Variants in INPP4B observed in about 807,000 individuals in gnomAD.
The protein encoded by INPP4B is inositol polyphosphate 4-phosphatase type II.
A neutral mutation model predicts 122.5 loss-of-function variants in INPP4B; 55 were observed. That is an observed-to-expected ratio of 0.45 (90% CI 0.36 to 0.56). INPP4B has a LOEUF of 0.56. INPP4B is among the 20% of genes least tolerant of loss of function. INPP4B has a pLI of 0.00. For missense variants in INPP4B, 1,000 were observed against 1,097.7 expected, an observed-to-expected ratio of 0.91 and a Z score of 1.26; for synonymous variants, 403 against 388.7, an observed-to-expected ratio of 1.04 and a Z score of -0.43.
chr4:142,136,813 C>T (rs977494866), intron 18 of INPP4B, among the ~76,000 whole-genome samples: 1 of 152,060 alleles, frequency 6.6e-6, no homozygotes, highest in Non-Finnish European at 1.5e-5. Context: ...AGAAACAGTT[C>T]ATTAAGATAT....
Position 142,237,965 on chromosome 4 carries a change from G to T in INPP4B, c.735C>A (p.Asp245Glu). The T allele has an allele frequency of 1.3e-6, 2 of 1,565,938 alleles. No individual in the cohort carries two copies. The highest frequency in any genetic ancestry group is 2.3e-5 in the East Asian group (1 of 44,438). ...GCTCTCGAATTCGCATCCACTTATTGTCAGATGTGGGAAATCTATATAATT... is the reference window on the plus strand; with the variant it reads ...GCTCTCGAATTCGCATCCACTTATTTTCAGATGTGGGAAATCTATATAATT... ...VCKLYRFPTS[D>E]NKWMRIREQM... is the part of the protein sequence containing the mutation. Residue 245 changes from aspartate (D) to glutamate (E), a missense_variant, in exon 12 of 26, where the codon GAC becomes GAA. Coordinates refer to ENST00000262992, the MANE Select transcript of INPP4B (RefSeq NM_001101669.3).
intron 12 of INPP4B, among the ~76,000 whole-genome samples, chr4:142,229,160 T>C (rs932613056): frequency 1.3e-5 from 2 of 151,532 alleles, no homozygotes; most frequent in African/African-American, 4.8e-5. Context: ...ATATGTTTAA[T>C]ATATATTGAT....
At chr4:142,829,163 A>C (rs1781796217) in intron 1 of INPP4B, among the ~76,000 whole-genome samples, 1 of 151,450 alleles carries the variant, frequency 6.6e-6, no homozygotes, top group Non-Finnish European at 1.5e-5. Context: ...TGACTAGACA[A>C]GTTTGAAGAG....
In INPP4B at chr4:142,779,641, G is replaced by T. The variant is rs966946174; in HGVS notation, c.-253-53740C>A. 2.6e-5 allele frequency among the ~76,000 whole-genome samples: 4 copies of T among 152,056 alleles called. 1 individual carries two copies. Among genetic ancestry groups the T allele is most frequent in the Non-Finnish European group, 5.9e-5 (4 of 68,014 alleles). The stretch of plus-strand genomic sequence containing the variant: ...TTCATTCCGTGTTTATAACATAAAA[G>T]GTAGTGGCTAAAACCATGAGACACA... On this transcript the variant is annotated intron_variant, in intron 1 of 25. Transcript: ENST00000262992.
intron 2 of INPP4B, among the ~76,000 whole-genome samples, chr4:142,557,886 C>T (rs1158955285): frequency 6.6e-6 from 1 of 152,174 alleles, no homozygotes; most frequent in East Asian, 1.9e-4. Flanking sequence ...CCTATTACCC[C>T]TTCTACGTTC....
chr4:142,072,201 C>T (rs1767846829), intron 25 of INPP4B, among the ~76,000 whole-genome samples: 1 of 152,068 alleles, frequency 6.6e-6, no homozygotes, highest in South Asian at 2.1e-4. Flanking sequence ...ATGGATGAAG[C>T]TGGAAACCAT....
chr4:142,402,883 T>C (rs1982965), intron 7 of INPP4B, 55 bp downstream of exon 7: 545,135 of 878,002 alleles, frequency 0.62, 176,231 homozygotes, highest in South Asian at 0.78. Flanking sequence ...AAAAATCCAA[T>C]CGTGTGGAAA....
intron 18 of INPP4B, among the ~76,000 whole-genome samples, chr4:142,138,784 G>A (rs1806117263): frequency 6.6e-6 from 1 of 152,162 alleles, no homozygotes; most frequent in Admixed American, 6.5e-5. Context: ...TCACATAAAT[G>A]TGAGTGTACT....
intron 25 of INPP4B, among the ~76,000 whole-genome samples, chr4:142,042,834 T>C (rs542158009): frequency 7.2e-5 from 11 of 152,302 alleles, no homozygotes; most frequent in African/African-American, 2.6e-4. Flanking sequence ...GTGCTGGGAT[T>C]ACAGGCATGA....
chr4:142,502,563 A>T (rs560534414), intron 2 of INPP4B, among the ~76,000 whole-genome samples: 2 of 152,144 alleles, frequency 1.3e-5, no homozygotes, highest in African/African-American at 4.8e-5. Context: ...ATTTCAGCTC[A>T]CTGCAACCTC....
chr4:142,391,165 T>A (rs1015552645), intron 7 of INPP4B, among the ~76,000 whole-genome samples: 1 of 152,240 alleles, frequency 6.6e-6, no homozygotes, highest in Non-Finnish European at 1.5e-5. Flanking sequence ...ATAAATTCCA[T>A]GGTCTAAGCC....
At chr4:142,343,088 A>T (rs750426937) in intron 7 of INPP4B, among the ~76,000 whole-genome samples, 6 of 152,128 alleles carry the variant, frequency 3.9e-5, no homozygotes, top group Admixed American at 6.6e-5. Context: ...AGAAAACTAA[A>T]ATTTCATCCA....
At chr4:142,173,854 A>G (rs1826726919) in intron 15 of INPP4B, 45 bp from the exon 16 acceptor site, 2 of 1,478,808 alleles carry the variant, frequency 1.4e-6, no homozygotes, top group Non-Finnish European at 1.9e-6. Context: ...CAGCATAATG[A>G]ATGTTCAGCC....
intron 7 of INPP4B, among the ~76,000 whole-genome samples, chr4:142,367,197 T>C (rs1435710123): frequency 1.4e-5 from 2 of 146,204 alleles, no homozygotes; most frequent in Admixed American, 6.7e-5. Context: ...TATGTGTGTG[T>C]GTGTGTGTGT....
chr4:142,357,093 T>C (rs1287564933), intron 7 of INPP4B, among the ~76,000 whole-genome samples: 2 of 152,040 alleles, frequency 1.3e-5, no homozygotes, highest in African/African-American at 4.8e-5. Flanking sequence ...TGTTCAGCTG[T>C]ATCCTTTAAA....
intron 2 of INPP4B, among the ~76,000 whole-genome samples, chr4:142,659,996 A>C (rs936185497): frequency 2.0e-5 from 3 of 152,118 alleles, no homozygotes; most frequent in Non-Finnish European, 1.5e-5. Context: ...ACAGAGGTTA[A>C]AAGGCACCGA....
intron 1 of INPP4B, among the ~76,000 whole-genome samples, chr4:142,750,431 A>C (rs1405346684): frequency 6.6e-6 from 1 of 152,188 alleles, no homozygotes. Context: ...TCTATCATTT[A>C]CCAAGTGGAT....
intron 3 of INPP4B, among the ~76,000 whole-genome samples, chr4:142,455,730 A>C (rs368875762): frequency 6.6e-6 from 1 of 151,864 alleles, no homozygotes; most frequent in African/African-American, 2.4e-5. Context: ...GAAACACCAA[A>C]CTGTTTTTCA....
chr4:142,715,564 G>T (rs552852845), intron 2 of INPP4B, among the ~76,000 whole-genome samples: 2,361 of 152,234 alleles, frequency 0.016, 49 homozygotes, highest in African/African-American at 0.052. Context: ...AATACAAAAT[G>T]TCTATAACCA....
Sources: allele counts gnomAD v4.1 joint callset (sites outside exome capture counted in the v4.1 genomes callset), GRCh38; gene constraint gnomAD v4.1.1; transcripts MANE v1.5; gene names NCBI Gene and HGNC (gene_info 2026-07-23, HGNC 2026-07-21).